The following TMPRSS9 variants were observed in gnomAD, a reference collection of about 807,000 sequenced individuals.
TMPRSS9 encodes the protein transmembrane serine protease 9.
In TMPRSS9, 113 loss-of-function variants were observed where a neutral mutation model predicts 111.4. The ratio of observed to expected loss-of-function variants is 1.01; its 90% CI spans 0.87 to 1.19. TMPRSS9 has a LOEUF of 1.19. Ranked by LOEUF, TMPRSS9 falls within the 50% of genes most tolerant of loss-of-function variation. The probability of loss-of-function intolerance (pLI) is 0.00; values close to 1 mark genes in which losing one functional copy is unlikely to be tolerated. For missense variants in TMPRSS9, 1,803 were observed against 1,513.1 expected, an observed-to-expected ratio of 1.19 and a Z score of -3.18; for synonymous variants, 805 against 659.1, an observed-to-expected ratio of 1.22 and a Z score of -3.39.
chr19:2,425,573 C>T, intron 17 of TMPRSS9, 80 bp downstream of exon 18: 2 of 1,405,912 alleles, frequency 1.4e-6, no homozygotes, highest in Middle Eastern at 2.5e-4. Flanking sequence ...CGAAGCCCAC[C>T]ATCCGGGAGC....
At chr19:2,415,536 C>T (rs1971210233) in intron 10 of TMPRSS9, 134 bp from the exon 12 acceptor site, 1 of 852,922 alleles carries the variant, frequency 1.2e-6, no homozygotes, top group Non-Finnish European at 1.7e-6. Context: ...GCCTCCACGG[C>T]TTCTTGTGTG....
At chr19:2,373,954 C>A (rs1019053669) in intron 1 of TMPRSS9, among the ~76,000 whole-genome samples, 4 of 152,136 alleles carry the variant, frequency 2.6e-5, no homozygotes, top group African/African-American at 9.7e-5. Flanking sequence ...TTGTCTGTAC[C>A]AACTATTTGC....
intron 2 of TMPRSS9, among the ~76,000 whole-genome samples, chr19:2,398,378 G>C (rs1181044903): frequency 1.3e-5 from 2 of 151,598 alleles, no homozygotes; most frequent in African/African-American, 4.9e-5. Context: ...TAGCACTGTG[G>C]AAAACCAAGG....
chr19:2,416,904 C>T, intron 12 of TMPRSS9, 95 bp downstream of exon 13: 1 of 1,422,544 alleles, frequency 7.0e-7, no homozygotes, highest in East Asian at 2.4e-5. Flanking sequence ...GGACCCTAAA[C>T]CAATTCCACT....
intron 13 of TMPRSS9, 113 bp downstream of exon 14, chr19:2,418,251 C>CTT: frequency 1.8e-6 from 2 of 1,126,110 alleles, no homozygotes; most frequent in Non-Finnish European, 2.5e-6. Context: ...TCCTTCCCCC[C>CTT]CTCCTTCCCT....
chr19:2,403,885 T>C lies in TMPRSS9; in HGVS notation c.670+690T>C, dbSNP rs1431271822. On this transcript the variant is annotated intron_variant, in intron 6 of 17. Coordinates refer to ENST00000648592, the Ensembl canonical transcript of TMPRSS9. ...GCGGGCGCCTGTAGTCCCAGCTATT[T>C]GGGAGGCTGAGGCAGGAGAATGGCG... Among the ~76,000 whole-genome samples, 3 of 146,278 alleles carry C rather than the reference T, an allele frequency of 2.1e-5. No homozygotes were observed. The Admixed American group carries it at 2.1e-4, about 10-fold the overall frequency.
intron 5 of TMPRSS9, 82 bp from the exon 7 acceptor site, chr19:2,403,000 T>C (rs1970884391): frequency 3.2e-6 from 3 of 925,090 alleles, no homozygotes; most frequent in Non-Finnish European, 5.2e-6. Flanking sequence ...CGTACCCTGG[T>C]GGTACTAAGT....
In TMPRSS9 at chr19:2,410,248, A is replaced by G; in HGVS notation, c.1118-10A>G. On this transcript the variant is annotated splice_polypyrimidine_tract_variant and intron_variant, in intron 8 of 17. Coordinates refer to ENST00000648592, the Ensembl canonical transcript of TMPRSS9. ...ACTCTCACCCTGCTTTTCTCTCCCC[A>G]TTCGGCCAGTGGTCAAGCCAGAGGT... 5 of 1,613,658 alleles carry G rather than the reference A, an allele frequency of 3.1e-6. No individual in the cohort carries two copies. Among genetic ancestry groups the G allele is most frequent in the Non-Finnish European group, 4.2e-6 (5 of 1,179,852 alleles).
upstream of TMPRSS9, among the ~76,000 whole-genome samples, chr19:2,387,951 G>C (rs1331293047): frequency 6.6e-6 from 1 of 151,802 alleles, no homozygotes; most frequent in Admixed American, 6.6e-5. Flanking sequence ...CGGGATGCTG[G>C]TGGGCTGTCC....
chr19:2,396,715 G>A, intron 2 of TMPRSS9, 49 bp downstream of exon 3: 2 of 1,565,392 alleles, frequency 1.3e-6, no homozygotes, highest in Non-Finnish European at 1.7e-6. Context: ...CGGGTGGCCG[G>A]GGGCTTTGAC....
At chr19:2,391,625 A>G (rs1262549368) in intron 1 of TMPRSS9, among the ~76,000 whole-genome samples, 6 of 150,992 alleles carry the variant, frequency 4.0e-5, no homozygotes, top group Admixed American at 1.3e-4. Flanking sequence ...TGTGTCCATC[A>G]CCTAGTGAGA....
At chr19:2,414,939 C>CTTTT (rs1474701467) in intron 10 of TMPRSS9, among the ~76,000 whole-genome samples, 7 of 141,454 alleles carry the variant, frequency 4.9e-5, no homozygotes, top group Non-Finnish European at 4.5e-5. Flanking sequence ...AGTTGCATTC[C>CTTTT]TATTTTTTTT....
At chr19:2,426,207 G>A (rs892340187) in exon 18 of TMPRSS9, 3 of 1,325,570 alleles carry the variant, frequency 2.3e-6, no homozygotes, top group Non-Finnish European at 3.1e-6. Flanking sequence ...TGTGGGTCAT[G>A]GGGATGCATT....
intron 1 of TMPRSS9, among the ~76,000 whole-genome samples, chr19:2,391,037 G>GAA: frequency 1.6e-5 from 1 of 61,930 alleles, no homozygotes; most frequent in African/African-American, 6.0e-5. Flanking sequence ...GAAAGAAAGG[G>GAA]AGGGAGGGAG....
intron 1 of TMPRSS9, among the ~76,000 whole-genome samples, chr19:2,365,739 A>G (rs1029753241): frequency 1.3e-5 from 2 of 152,092 alleles, no homozygotes; most frequent in Non-Finnish European, 2.9e-5. Flanking sequence ...CTGAGGCAGG[A>G]GGATCACTTG....
intron 1 of TMPRSS9, among the ~76,000 whole-genome samples, chr19:2,367,100 C>A (rs1289860544): frequency 1.3e-5 from 2 of 152,144 alleles, no homozygotes; most frequent in African/African-American, 4.8e-5. Context: ...TATGATCTAA[C>A]CTCAGAAGCC....
intron 1 of TMPRSS9, among the ~76,000 whole-genome samples, chr19:2,364,547 C>G (rs1970232839): frequency 6.6e-6 from 1 of 152,062 alleles, no homozygotes; most frequent in Admixed American, 6.5e-5. Context: ...GGCACCCAGC[C>G]CTTTGTTGTT....
intron 1 of TMPRSS9, among the ~76,000 whole-genome samples, chr19:2,366,532 G>A (rs558554894): frequency 6.6e-6 from 1 of 152,264 alleles, no homozygotes; most frequent in African/African-American, 2.4e-5. Flanking sequence ...GGGTGGTTCT[G>A]GCCCATGGTC....
chr19:2,360,288 C>T (rs959691816), exon 1 of TMPRSS9, among the ~76,000 whole-genome samples: 2 of 152,168 alleles, frequency 1.3e-5, no homozygotes, highest in East Asian at 1.9e-4. Context: ...CCTCGTCGTC[C>T]GGAGCGCGGT....
Sources: gnomAD v4.1 joint callset for allele counts (sites outside exome capture counted in the v4.1 genomes callset) on GRCh38, gnomAD v4.1.1 for gene constraint, MANE v1.5 for transcripts, NCBI Gene and HGNC (gene_info 2026-07-23, HGNC 2026-07-21) for gene names.